Variants in OSBPL9 observed in about 807,000 individuals in gnomAD.
OSBPL9 encodes oxysterol-binding protein-related protein 9.
Under a neutral mutation model 106.6 loss-of-function variants are expected in OSBPL9, and 40 were observed. The ratio of observed to expected loss-of-function variants is 0.38; its 90% confidence interval spans 0.29 to 0.49. The LOEUF (loss-of-function observed/expected upper bound fraction) is 0.49. Among genes scored for constraint, OSBPL9 ranks in the 20% least tolerant of loss-of-function variants. The pLI is 0.97. For synonymous variants in OSBPL9, 269 were observed against 295.4 expected (o/e 0.91, Z 0.92); for missense variants, 609 against 887.2 (o/e 0.69, Z 3.98).
chr1:51,551,175 C>T, the OSBPL9 span, among the ~76,000 whole-genome samples: 5 of 152,122 alleles, frequency 3.3e-5, no homozygotes, highest in African/African-American at 1.2e-4. Context: ...CAAATTGTAC[C>T]AACCTCATGA....
intron 3 of OSBPL9, among the ~76,000 whole-genome samples, chr1:51,697,893 T>G (rs1656407526): frequency 6.6e-6 from 1 of 151,604 alleles, no homozygotes; most frequent in Non-Finnish European, 1.5e-5. Flanking sequence ...TAATCTCCTC[T>G]CTACTAATTT....
Position 51,784,004 on chromosome 1 carries a change from G to A in OSBPL9, c.1603G>A (p.Gly535Arg), listed in dbSNP as rs1030888863. 6.2e-7 allele frequency: 1 copy of A among 1,612,294 alleles called. No individual in the cohort carries two copies. The highest frequency in any genetic ancestry group is 8.5e-7 in the Non-Finnish European group (1 of 1,178,608). Reference protein sequence around the residue: ...TKSKFLGMSIGVHNIGQGCVS... With the variant: ...TKSKFLGMSIRVHNIGQGCVS... The stretch of plus-strand genomic sequence containing the variant: ...ATCAAAATTCCTTGGGATGTCAATT[G>A]GGGTGCACAACATAGGGCAGGGTAA... The change falls in exon 18 of 24, where the codon GGG (glycine) becomes AGG (arginine). Residue 535 changes from glycine to arginine, a missense_variant. Physicochemically the swap from Gly to Arg is moderately radical, Grantham distance 125. Transcript: ENST00000428468.
chr1:51,613,135 A>T (rs1644000960), upstream of OSBPL9, among the ~76,000 whole-genome samples: 1 of 152,240 alleles, frequency 6.6e-6, no homozygotes, highest in Non-Finnish European at 1.5e-5. Context: ...TGTGCCAAGA[A>T]CTGGGCTAGT....
In OSBPL9 at chr1:51,782,580, G is replaced by C. The variant is rs775621905; in HGVS notation, c.1450G>C (p.Val484Leu). 1.2e-6 allele frequency: 2 copies of C among 1,614,102 alleles called. No homozygotes were observed. Among genetic ancestry groups the C allele is most frequent in the South Asian group, 2.2e-5 (2 of 91,086 alleles). Reference sequence around the variant, plus strand: ...GCAGGAACTAGTTTCAGAAGGACCAGTTCCCTGGGTTTCCAAAAACAGTGT... The same window carrying C: ...GCAGGAACTAGTTTCAGAAGGACCACTTCCCTGGGTTTCCAAAAACAGTGT... ...ENTELVSEGPVPWVSKNSVTF... is the reference protein window; with the variant it reads ...ENTELVSEGPLPWVSKNSVTF... The change falls in exon 17 of 24, where the codon GTT becomes CTT. Residue 484 changes from valine (V) to leucine (L), a missense_variant. Physicochemically the swap from Val to Leu is conservative, Grantham distance 32. Coordinates refer to ENST00000428468, the MANE Select transcript of OSBPL9 (RefSeq NM_024586.6).
the OSBPL9 span, among the ~76,000 whole-genome samples, chr1:51,530,188 A>AAAAAC: frequency 6.3e-5 from 6 of 95,388 alleles, no homozygotes; most frequent in African/African-American, 2.5e-4. Flanking sequence ...AAAAAAAAAA[A>AAAAAC]AAAACAAAAA....
At chr1:51,608,681 G>GC (rs1455972960) in intron 2 of OSBPL9, among the ~76,000 whole-genome samples, 3 of 151,690 alleles carry the variant, frequency 2.0e-5, no homozygotes, top group Admixed American at 6.6e-5. Flanking sequence ...CTGGATTGGG[G>GC]GGGGGGGCTT....
intron 8 of OSBPL9, among the ~76,000 whole-genome samples, chr1:51,751,636 C>G (rs908649317): frequency 2.0e-5 from 3 of 152,086 alleles, no homozygotes; most frequent in African/African-American, 7.2e-5. Context: ...TAAACCACAC[C>G]ATGCCCTGTT....
intron 1 of OSBPL9, among the ~76,000 whole-genome samples, chr1:51,634,974 A>G (rs1390712339): frequency 1.3e-5 from 2 of 152,244 alleles, no homozygotes; most frequent in South Asian, 2.1e-4. Context: ...CTATGATTCA[A>G]TTATCTCTCA....
chr1:51,552,084 T>C, the OSBPL9 span, among the ~76,000 whole-genome samples: 1 of 146,764 alleles, frequency 6.8e-6, no homozygotes, highest in African/African-American at 2.5e-5. Flanking sequence ...AGTGCTATAA[T>C]AGGCAATCTA....
intron 11 of OSBPL9, chr1:51,765,486 G>A (rs960465599): frequency 1.2e-5 from 2 of 164,052 alleles, no homozygotes; most frequent in Non-Finnish European, 1.3e-5. Flanking sequence ...AAGAGTCCCG[G>A]CATCCCATTG....
intron 1 of OSBPL9, among the ~76,000 whole-genome samples, chr1:51,596,538 G>A (rs1344609809): frequency 3.0e-5 from 4 of 134,144 alleles, no homozygotes; most frequent in Admixed American, 1.6e-4. Context: ...CAGCCTAGGC[G>A]AGAAGAGTGA....
chr1:51,543,429 T>C, the OSBPL9 span, among the ~76,000 whole-genome samples: 1 of 152,170 alleles, frequency 6.6e-6, no homozygotes, highest in Non-Finnish European at 1.5e-5. Context: ...GGAGTCTCAC[T>C]CTGGCCCCCG....
At chr1:51,585,639 G>A (rs1394271006) in intron 1 of OSBPL9, among the ~76,000 whole-genome samples, 3 of 152,006 alleles carry the variant, frequency 2.0e-5, no homozygotes, top group African/African-American at 7.2e-5. Context: ...GGCCCTGCGT[G>A]GTGGTGCGCA....
intron 1 of OSBPL9, among the ~76,000 whole-genome samples, chr1:51,634,574 T>A (rs924681588): frequency 5.9e-5 from 9 of 152,074 alleles, no homozygotes; most frequent in Non-Finnish European, 1.2e-4. Flanking sequence ...ATGGGAGCCA[T>A]ACAAAATATG....
At chr1:51,539,871 C>T in the OSBPL9 span, among the ~76,000 whole-genome samples, 2 of 152,304 alleles carry the variant, frequency 1.3e-5, no homozygotes, top group Admixed American at 1.3e-4. Context: ...ACTAAATTCC[C>T]AACTCCTTAC....
the OSBPL9 span, among the ~76,000 whole-genome samples, chr1:51,555,396 A>G: frequency 1.3e-5 from 2 of 151,520 alleles, no homozygotes; most frequent in Non-Finnish European, 2.9e-5. Context: ...AGGCTGAGGC[A>G]GGAAAATCCC....
intron 8 of OSBPL9, 38 bp downstream of exon 8, chr1:51,750,233 A>G: frequency 6.7e-7 from 1 of 1,496,448 alleles, no homozygotes; most frequent in Non-Finnish European, 9.1e-7. Context: ...TTGTGTATGG[A>G]GTTCAAAAAT....
chr1:51,705,088 T>C (rs1658141874), intron 3 of OSBPL9, among the ~76,000 whole-genome samples: 1 of 152,118 alleles, frequency 6.6e-6, no homozygotes, highest in South Asian at 2.1e-4. Context: ...ATATTCCTTT[T>C]TTCTTATAGT....
At chr1:51,608,810 T>C (rs1184180323) in intron 2 of OSBPL9, among the ~76,000 whole-genome samples, 1 of 151,970 alleles carries the variant, frequency 6.6e-6, no homozygotes, top group Non-Finnish European at 1.5e-5. Flanking sequence ...ATAATTCCAG[T>C]GATGCACCTC....
Sources: allele counts gnomAD v4.1 joint callset (sites outside exome capture counted in the v4.1 genomes callset), GRCh38; gene constraint gnomAD v4.1.1; transcripts MANE v1.5; gene names NCBI Gene and HGNC (gene_info 2026-07-23, HGNC 2026-07-21).